Variants in RALGPS1 observed in about 807,000 individuals in gnomAD.
RALGPS1 encodes the protein ras-specific guanine nucleotide-releasing factor RalGPS1.
A neutral mutation model predicts 78.8 loss-of-function variants in RALGPS1; 19 were observed. The ratio of observed to expected loss-of-function variants is 0.24; its 90% CI spans 0.17 to 0.35. The LOEUF is 0.35. RALGPS1 is among the 10% of genes least tolerant of loss of function. The pLI is 1.00. For missense variants in RALGPS1, 454 were observed against 688.3 expected, an observed-to-expected ratio of 0.66 and a Z score of 3.81; for synonymous variants, 228 against 256.3, an observed-to-expected ratio of 0.89 and a Z score of 1.06.
chr9:127,184,235 G>A (rs189386131), intron 11 of RALGPS1: 33 of 552,600 alleles, frequency 6.0e-5, no homozygotes, highest in South Asian at 2.7e-4. Context: ...AGGCGAGATC[G>A]CTTGATCCCA....
intron 1 of RALGPS1, among the ~76,000 whole-genome samples, chr9:126,958,144 T>TAAATAA (rs1439439824): frequency 3.5e-5 from 2 of 57,010 alleles, no homozygotes; most frequent in Non-Finnish European, 1.1e-4. Flanking sequence ...AAAAAAAAAA[T>TAAATAA]ATATATATAT....
In RALGPS1 at chr9:126,951,046, G is replaced by A. The variant is rs150274992; in HGVS notation, c.-65-11179G>A. On this transcript the variant is annotated intron_variant, in intron 1 of 18. Coordinates refer to ENST00000259351, the MANE Select transcript of RALGPS1 (RefSeq NM_014636.3). ...CAGAGAATACAACAAACACCTCTAT[G>A]CAAATAAACTAGAAAATCTGGAAGA... 8.9e-3 allele frequency among the ~76,000 whole-genome samples: 1,360 copies of A among 152,294 alleles called. 23 individuals are homozygous for A. Among genetic ancestry groups the A allele is most frequent in the African/African-American group, 0.031 (1,290 of 41,554 alleles).
intron 8 of RALGPS1, among the ~76,000 whole-genome samples, chr9:127,159,315 C>G (rs1449079615): frequency 3.3e-5 from 5 of 152,130 alleles, no homozygotes; most frequent in Admixed American, 2.6e-4. Flanking sequence ...ATAGTTGTGT[C>G]CTCATTTCAC....
intron 8 of RALGPS1, among the ~76,000 whole-genome samples, chr9:127,130,253 T>C (rs1487942902): frequency 2.0e-5 from 3 of 152,250 alleles, no homozygotes; most frequent in East Asian, 1.9e-4. Context: ...CTTCCCAAGA[T>C]GGCCGGGAGT....
chr9:126,987,822 A>G (rs984689820), intron 4 of RALGPS1, among the ~76,000 whole-genome samples: 3 of 152,170 alleles, frequency 2.0e-5, no homozygotes, highest in African/African-American at 4.8e-5. Context: ...CCTCGGCACA[A>G]TTCAACCTGA....
At chr9:127,081,539 G>A (rs982413951) in intron 8 of RALGPS1, among the ~76,000 whole-genome samples, 5 of 152,224 alleles carry the variant, frequency 3.3e-5, no homozygotes, top group South Asian at 2.1e-4. Flanking sequence ...TCTTTTAATC[G>A]TTTTCCCTTG....
At chr9:126,931,294 AAGAG>A (rs531918914) in intron 1 of RALGPS1, among the ~76,000 whole-genome samples, 43 of 152,330 alleles carry the variant, frequency 2.8e-4, no homozygotes, top group African/African-American at 1.0e-3. Context: ...TACCTAAAAG[AAGAG>A]AGGGAGGATG....
chr9:126,989,882 C>T, intron 4 of RALGPS1: 2 of 1,550,184 alleles, frequency 1.3e-6, no homozygotes, highest in Non-Finnish European at 8.7e-7. Context: ...GGGTCCTTTT[C>T]TGGTTTGCAG....
At chr9:127,088,878 G>A (rs1446815565) in intron 8 of RALGPS1, 3 of 1,593,316 alleles carry the variant, frequency 1.9e-6, no homozygotes, top group Non-Finnish European at 2.6e-6. Flanking sequence ...TTGTGCTGTG[G>A]CCAGCGTGAC....
chr9:127,103,921 A>G (rs1041455818), intron 8 of RALGPS1, among the ~76,000 whole-genome samples: 1 of 152,068 alleles, frequency 6.6e-6, no homozygotes, highest in Non-Finnish European at 1.5e-5. Flanking sequence ...GTTAAAACAT[A>G]CTTTGGTTTG....
At chr9:127,078,907 A>T (rs2050924263) in intron 8 of RALGPS1, among the ~76,000 whole-genome samples, 1 of 152,200 alleles carries the variant, frequency 6.6e-6, no homozygotes, top group Non-Finnish European at 1.5e-5. Context: ...GCATTATCTC[A>T]TTTAATCCTC....
chr9:127,071,493 T>C lies in RALGPS1; in HGVS notation c.610+2137T>C, dbSNP rs573704387. On this transcript the variant is annotated intron_variant, in intron 8 of 18. Coordinates refer to ENST00000259351, the MANE Select transcript of RALGPS1 (RefSeq NM_014636.3). ...CTTAAACATAATGAAATATGGACTT[T>C]CCATGTTTGTCTCTTATGATTCATC... 5.0e-4 allele frequency among the ~76,000 whole-genome samples: 76 copies of C among 152,342 alleles called. 1 individual carries two copies. In the South Asian group the frequency reaches 0.015, roughly 30 times the overall value.
rs537221934 is a variant in RALGPS1 at position 127,041,315 on chromosome 9, C to G, written c.300+6801C>G. Among the ~76,000 whole-genome samples, 4 of 152,262 alleles carry G rather than the reference C, an allele frequency of 2.6e-5. No homozygotes were observed. In the South Asian group the frequency reaches 8.3e-4, roughly 32 times the overall value. On this transcript the variant is annotated intron_variant, in intron 5 of 18. Transcript: ENST00000259351. ...CCATGTTCGCCAGGTTGGTCTCGAA[C>G]TCCTGACCTCGTGATCTGCCTACCT... is the stretch of plus-strand genomic sequence containing the variant.
At chr9:127,087,416 A>T (rs1379552198) in intron 8 of RALGPS1, 1 of 152,602 alleles carries the variant, frequency 6.6e-6, no homozygotes, top group African/African-American at 2.4e-5. Context: ...TTTTTAAAAA[A>T]ACCCTCCCTT....
chr9:127,178,633 A>C, intron 11 of RALGPS1: 1 of 315,902 alleles, frequency 3.2e-6, no homozygotes, highest in Non-Finnish European at 4.6e-6. Context: ...CAGGCCGTCT[A>C]ACAGCCAGGC....
intron 8 of RALGPS1, among the ~76,000 whole-genome samples, chr9:127,112,908 C>T (rs1360037149): frequency 6.6e-6 from 1 of 152,238 alleles, no homozygotes; most frequent in African/African-American, 2.4e-5. Flanking sequence ...ATCATTCCAA[C>T]ACTCAGAGTG....
chr9:127,111,630 C>T (rs942687447), intron 8 of RALGPS1, among the ~76,000 whole-genome samples: 4 of 152,202 alleles, frequency 2.6e-5, no homozygotes, highest in African/African-American at 9.7e-5. Flanking sequence ...ATCCATTGAC[C>T]AAGGTCCGCT....
At chr9:126,962,479 C>A (rs1355471164) in intron 2 of RALGPS1, 133 bp downstream of exon 2, 1 of 876,920 alleles carries the variant, frequency 1.1e-6, no homozygotes, top group Non-Finnish European at 1.8e-6. Flanking sequence ...CCTAAGGCCC[C>A]TGGCCATGCC....
chr9:127,023,447 A>G (rs950345369), intron 4 of RALGPS1, among the ~76,000 whole-genome samples: 6 of 150,946 alleles, frequency 4.0e-5, no homozygotes, highest in Admixed American at 1.3e-4. Flanking sequence ...CTTTTCTTCA[A>G]TTTTTCTTCC....
Sources: gnomAD v4.1 joint callset for allele counts (sites outside exome capture counted in the v4.1 genomes callset) on GRCh38, gnomAD v4.1.1 for gene constraint, MANE v1.5 for transcripts, NCBI Gene and HGNC (gene_info 2026-07-23, HGNC 2026-07-21) for gene names.